The following RUNX1 variants were observed in gnomAD, a reference collection of about 807,000 sequenced individuals.
RUNX1 encodes RUNX family transcription factor 1.
A neutral mutation model predicts 42.8 loss-of-function variants in RUNX1; 19 were observed. That is an observed-to-expected ratio of 0.44 (90% CI 0.31 to 0.65). The LOEUF (loss-of-function observed/expected upper bound fraction) is 0.65. Ranked by LOEUF, RUNX1 falls within the 30% of genes least tolerant of loss-of-function variation. The probability of loss-of-function intolerance (pLI) is 0.07; values close to 1 mark genes in which losing one functional copy is unlikely to be tolerated. For synonymous variants in RUNX1, 271 were observed against 289.4 expected (o/e 0.94, Z 0.64); for missense variants, 528 against 672.0 (o/e 0.79, Z 2.37).
At chr21:34,840,038 T>C (rs2057210252) in intron 6 of RUNX1, among the ~76,000 whole-genome samples, 1 of 152,200 alleles carries the variant, frequency 6.6e-6, no homozygotes, top group Non-Finnish European at 1.5e-5. Flanking sequence ...GCCCTGCAGA[T>C]AGGCCGGTGT....
At chr21:35,027,201 C>T (rs1163142416) in intron 2 of RUNX1, among the ~76,000 whole-genome samples, 1 of 152,204 alleles carries the variant, frequency 6.6e-6, no homozygotes, top group East Asian at 1.9e-4. Flanking sequence ...GATTCCACTA[C>T]CCCATCTCTG....
intron 2 of RUNX1, among the ~76,000 whole-genome samples, chr21:34,949,105 C>A (rs1210873327): frequency 6.6e-6 from 1 of 152,116 alleles, no homozygotes; most frequent in African/African-American, 2.4e-5. Context: ...CCTTCCCTAC[C>A]CCATCCCCCC....
At chr21:34,874,054 T>C (rs1345838507) in intron 5 of RUNX1, among the ~76,000 whole-genome samples, 1 of 152,128 alleles carries the variant, frequency 6.6e-6, no homozygotes, top group East Asian at 1.9e-4. Flanking sequence ...AAGATGTTAT[T>C]AGCATGAATT....
At chr21:34,878,169 CA>C (rs67348360) in intron 5 of RUNX1, among the ~76,000 whole-genome samples, 28,380 of 111,482 alleles carry the variant, frequency 0.25, 4,914 homozygotes, top group African/African-American at 0.52. Context: ...AAGCAAATTG[CA>C]AAAAAAAAAA....
intron 2 of RUNX1, among the ~76,000 whole-genome samples, chr21:35,035,601 C>T (rs2059302119): frequency 6.6e-6 from 1 of 152,204 alleles, no homozygotes; most frequent in Non-Finnish European, 1.5e-5. Context: ...GTGCCTCACA[C>T]CATTGCAAGT....
rs149342755 is a variant in RUNX1 at position 34,930,498 on chromosome 21, A to G, written c.59-37535T>C. 6.8e-3 allele frequency among the ~76,000 whole-genome samples: 1,035 copies of G among 151,916 alleles called. 11 individuals are homozygous for G. Among genetic ancestry groups the G allele is most frequent in the African/African-American group, 0.024 (987 of 41,330 alleles). ...GCAAGAATGAGTGCTGTGATCAATT[A>G]TTGATGTCTGCAACAGGCAAGAGGG... On this transcript the variant is annotated intron_variant, in intron 2 of 8. Transcript: ENST00000675419.
At chr21:34,941,616 TA>T (rs2058527206) in intron 2 of RUNX1, among the ~76,000 whole-genome samples, 1 of 152,202 alleles carries the variant, frequency 6.6e-6, no homozygotes, top group Admixed American at 6.5e-5. Flanking sequence ...AGACTCTTAC[TA>T]AAGAACTCAC....
intron 6 of RUNX1, among the ~76,000 whole-genome samples, chr21:34,836,472 T>A (rs1407182607): frequency 6.6e-6 from 1 of 152,228 alleles, no homozygotes; most frequent in Non-Finnish European, 1.5e-5. Flanking sequence ...CTGCCATAGA[T>A]CCTTGGCTTC....
intron 2 of RUNX1, among the ~76,000 whole-genome samples, chr21:35,018,014 T>A (rs2059171866): frequency 6.6e-6 from 1 of 152,018 alleles, no homozygotes; most frequent in Non-Finnish European, 1.5e-5. Flanking sequence ...AAATTTATAT[T>A]TCCTGTTTTT....
At chr21:34,876,829 G>A (rs923859929) in intron 5 of RUNX1, among the ~76,000 whole-genome samples, 2 of 151,674 alleles carry the variant, frequency 1.3e-5, no homozygotes, top group East Asian at 1.9e-4. Flanking sequence ...GGATGAAGCA[G>A]TCACAGATTT....
intron 8 of RUNX1, among the ~76,000 whole-genome samples, chr21:34,797,268 C>T (rs1016657363): frequency 1.3e-5 from 2 of 152,238 alleles, no homozygotes; most frequent in Non-Finnish European, 2.9e-5. Context: ...ATCTACTTCA[C>T]ACTCCCATGC....
intron 2 of RUNX1, among the ~76,000 whole-genome samples, chr21:34,954,782 A>G (rs2058632992): frequency 6.6e-6 from 1 of 152,146 alleles, no homozygotes; most frequent in Non-Finnish European, 1.5e-5. Context: ...CGTGGAAGAG[A>G]TTCTCGCAGA....
chr21:35,002,746 A>G (rs1469299351), intron 2 of RUNX1, among the ~76,000 whole-genome samples: 1 of 152,016 alleles, frequency 6.6e-6, no homozygotes, highest in Non-Finnish European at 1.5e-5. Flanking sequence ...TATTTTTATA[A>G]TTTCCCCTTT....
At chr21:34,982,760 G>A (rs923190697) in intron 2 of RUNX1, among the ~76,000 whole-genome samples, 2 of 152,076 alleles carry the variant, frequency 1.3e-5, no homozygotes, top group African/African-American at 4.8e-5. Context: ...AGTAGAGACG[G>A]GGTTTCACCA....
intron 2 of RUNX1, among the ~76,000 whole-genome samples, chr21:35,015,062 T>C (rs996245506): frequency 1.3e-5 from 2 of 152,176 alleles, no homozygotes; most frequent in African/African-American, 4.8e-5. Context: ...AAACAGCTGA[T>C]GGAGAAGAGG....
rs1318472087 is a variant in RUNX1 at position 35,025,301 on chromosome 21, T to C, written c.58+23541A>G. On this transcript the variant is annotated intron_variant, in intron 2 of 8. Transcript: ENST00000675419. ...CCTCAAGGTAAATAATAGGAATCGA[T>C]CATTCATCAATCTGGCCTGGCCCCG... Among the ~76,000 whole-genome samples the C allele has an allele frequency of 2.0e-5, 3 of 152,168 alleles. 1 individual carries two copies. The East Asian group carries it at 5.8e-4, about 29-fold the overall frequency.
chr21:35,026,791 G>A (rs1470390874), intron 2 of RUNX1, among the ~76,000 whole-genome samples: 3 of 152,210 alleles, frequency 2.0e-5, no homozygotes, highest in Non-Finnish European at 4.4e-5. Context: ...CAGAAACGGC[G>A]GGGACGCGAG....
At chr21:35,019,609 C>T (rs546439536) in intron 2 of RUNX1, among the ~76,000 whole-genome samples, 1 of 152,254 alleles carries the variant, frequency 6.6e-6, no homozygotes, top group Non-Finnish European at 1.5e-5. Context: ...GAAAATGTGG[C>T]AAACCTCCTT....
At chr21:34,797,719 A>C (rs2056549974) in intron 8 of RUNX1, among the ~76,000 whole-genome samples, 1 of 152,198 alleles carries the variant, frequency 6.6e-6, no homozygotes, top group East Asian at 1.9e-4. Context: ...ATGTACCATG[A>C]AAATATTGGC....
Sources: gnomAD v4.1 joint callset for allele counts (sites outside exome capture counted in the v4.1 genomes callset) on GRCh38, gnomAD v4.1.1 for gene constraint, MANE v1.5 for transcripts, NCBI Gene and HGNC (gene_info 2026-07-23, HGNC 2026-07-21) for gene names.